The following CELF4 variants were observed in gnomAD, a reference collection of about 807,000 sequenced individuals.
CELF4 encodes the protein CUGBP Elav-like family member 4, also known as CUG-BP- and ETR-3-like factor 4.
CELF4 carries 18 observed loss-of-function variants against 59.9 expected under a neutral mutation model. The observed-to-expected ratio is 0.30, with a 90% CI of 0.21 to 0.45. CELF4 has a LOEUF of 0.45. Among genes scored for constraint, CELF4 ranks in the 20% least tolerant of loss-of-function variants. The pLI is 1.00. For missense variants in CELF4, 456 were observed against 689.0 expected, an observed-to-expected ratio of 0.66 and a Z score of 3.79; for synonymous variants, 261 against 267.1, an observed-to-expected ratio of 0.98 and a Z score of 0.22.
At chr18:37,457,931 G>T (rs2099782895) in intron 2 of CELF4, among the ~76,000 whole-genome samples, 1 of 152,118 alleles carries the variant, frequency 6.6e-6, no homozygotes, top group Non-Finnish European at 1.5e-5. Flanking sequence ...GCTGCTCCTG[G>T]ATGTCTATCA....
intron 2 of CELF4, among the ~76,000 whole-genome samples, chr18:37,476,659 C>T (rs951076052): frequency 6.6e-6 from 1 of 152,214 alleles, no homozygotes; most frequent in African/African-American, 2.4e-5. Flanking sequence ...TCCTTCTGCT[C>T]GCCCACACAC....
chr18:37,529,201 T>C (rs913930872), intron 1 of CELF4: 4 of 152,034 alleles, frequency 2.6e-5, no homozygotes, highest in Non-Finnish European at 5.9e-5. Context: ...GTGGGAGAAA[T>C]AGATGAGATC....
At chr18:37,532,742 G>C (rs2099970580) in intron 1 of CELF4, among the ~76,000 whole-genome samples, 1 of 152,184 alleles carries the variant, frequency 6.6e-6, no homozygotes, top group South Asian at 2.1e-4. Context: ...TGGAAACTCA[G>C]TTTTCTCATC....
At chr18:37,293,790 G>T (rs955447941) in intron 3 of CELF4, among the ~76,000 whole-genome samples, 10 of 152,090 alleles carry the variant, frequency 6.6e-5, no homozygotes, top group African/African-American at 2.4e-4. Context: ...TCTTCGAAAT[G>T]GTCAGCACCA....
At chr18:37,520,364 C>T (rs763419575) in intron 1 of CELF4, among the ~76,000 whole-genome samples, 3 of 152,156 alleles carry the variant, frequency 2.0e-5, no homozygotes, top group South Asian at 4.1e-4. Context: ...TTAAATAGGG[C>T]ATGTCTTCTC....
chr18:37,425,777 C>A (rs1239416885), intron 2 of CELF4, among the ~76,000 whole-genome samples: 1 of 152,228 alleles, frequency 6.6e-6, no homozygotes, highest in Non-Finnish European at 1.5e-5. Context: ...TGGCGAAAGC[C>A]CTTGGGCCAT....
At chr18:37,300,688 A>G (rs9955990) in intron 3 of CELF4, among the ~76,000 whole-genome samples, 31,371 of 152,232 alleles carry the variant, frequency 0.21, 5,320 homozygotes, top group African/African-American at 0.47. Context: ...GTGACAAGGG[A>G]TGGATAATGA....
At chr18:37,390,529 C>T (rs1646983123) in intron 2 of CELF4, among the ~76,000 whole-genome samples, 1 of 152,092 alleles carries the variant, frequency 6.6e-6, no homozygotes, top group Non-Finnish European at 1.5e-5. Flanking sequence ...GACTGCGGCA[C>T]TCCTACTGTC....
intron 2 of CELF4, among the ~76,000 whole-genome samples, chr18:37,358,127 G>C (rs1569567578): frequency 6.6e-6 from 1 of 152,080 alleles, no homozygotes; most frequent in African/African-American, 2.4e-5. Flanking sequence ...TTTGGGAGGG[G>C]CCGGGGTGGA....
chr18:37,300,334 C>T (rs538806761), intron 3 of CELF4, among the ~76,000 whole-genome samples: 2 of 152,212 alleles, frequency 1.3e-5, no homozygotes, highest in African/African-American at 2.4e-5. Flanking sequence ...AAGCGATTCT[C>T]CTGCCTCAGC....
chr18:37,285,930 G>A (rs954484490), intron 3 of CELF4, among the ~76,000 whole-genome samples: 10 of 152,134 alleles, frequency 6.6e-5, no homozygotes, highest in African/African-American at 2.2e-4. Flanking sequence ...TGTCTAATGG[G>A]GTTTCCGCTG....
At chr18:37,529,362 A>G (rs1810786287) in intron 1 of CELF4, among the ~76,000 whole-genome samples, 2 of 152,226 alleles carry the variant, frequency 1.3e-5, no homozygotes, top group Admixed American at 1.3e-4. Flanking sequence ...GCTCTGACCC[A>G]GACTGCATGG....
At chr18:37,547,660 G>C (rs1432918640) in intron 1 of CELF4, among the ~76,000 whole-genome samples, 1 of 152,156 alleles carries the variant, frequency 6.6e-6, no homozygotes, top group Non-Finnish European at 1.5e-5. Flanking sequence ...CTTCTAATGA[G>C]GATTTGGCCA....
intron 3 of CELF4, among the ~76,000 whole-genome samples, chr18:37,284,009 T>TACATA (rs2094476370): frequency 2.3e-5 from 1 of 42,982 alleles, no homozygotes; most frequent in Non-Finnish European, 4.8e-5. Context: ...ACCCAACCAC[T>TACATA]CAACATGCAC....
At chr18:37,277,347 TG>T (rs1447158000) in intron 3 of CELF4, among the ~76,000 whole-genome samples, 11 of 152,220 alleles carry the variant, frequency 7.2e-5, no homozygotes. Context: ...TGCCTCAAGC[TG>T]CTCTTCTGGC....
intron 1 of CELF4, among the ~76,000 whole-genome samples, chr18:37,547,926 T>C (rs2099981976): frequency 6.6e-6 from 1 of 152,168 alleles, no homozygotes; most frequent in Non-Finnish European, 1.5e-5. Context: ...TGTTTCTATA[T>C]GTGTGTGTCT....
chr18:37,502,756 T>C (rs1487036488), intron 1 of CELF4, among the ~76,000 whole-genome samples: 1 of 152,144 alleles, frequency 6.6e-6, no homozygotes, highest in Non-Finnish European at 1.5e-5. Flanking sequence ...ATGGGCCCCA[T>C]CCCTCTCTCT....
intron 2 of CELF4, among the ~76,000 whole-genome samples, chr18:37,465,724 T>C (rs1052075442): frequency 2.0e-5 from 3 of 151,976 alleles, no homozygotes; most frequent in African/African-American, 7.3e-5. Context: ...GCAAAAATAA[T>C]GTGGTTATGC....
chr18:37,308,223 T>C (rs184464095), intron 3 of CELF4, among the ~76,000 whole-genome samples: 106 of 152,176 alleles, frequency 7.0e-4, no homozygotes, highest in African/African-American at 2.4e-3. Context: ...ACCAACTCCC[T>C]CTCTGGTATC....
Sources: allele counts gnomAD v4.1 joint callset (sites outside exome capture counted in the v4.1 genomes callset), GRCh38; gene constraint gnomAD v4.1.1; transcripts MANE v1.5; gene names NCBI Gene and HGNC (gene_info 2026-07-23, HGNC 2026-07-21).